UQCR11: variants seen among roughly 807,000 people sequenced by gnomAD.
UQCR11 encodes cytochrome b-c1 complex subunit 10.
A neutral mutation model predicts 7.6 loss-of-function variants in UQCR11; 10 were observed. The ratio of observed to expected loss-of-function variants is 1.31; its 90% CI spans 0.81 to 2.22. UQCR11 has a LOEUF of 2.22. UQCR11 is among the 30% of genes most tolerant of loss of function. The probability of loss-of-function intolerance (pLI) is 0.00; values close to 1 mark genes in which losing one functional copy is unlikely to be tolerated. For missense variants in UQCR11, 86 were observed against 75.1 expected (o/e 1.15, Z -0.54); for synonymous variants, 34 against 34.9 (o/e 0.97, Z 0.09).
chr19:1,599,951 C>T (rs566606685), intron 1 of UQCR11, among the ~76,000 whole-genome samples: 22 of 152,262 alleles, frequency 1.4e-4, no homozygotes, highest in African/African-American at 4.6e-4. Context: ...TGTTCCCAGG[C>T]GAGGACACCA....
chr19:1,600,997 C>T (rs763291652), intron 1 of UQCR11, among the ~76,000 whole-genome samples: 5 of 151,800 alleles, frequency 3.3e-5, no homozygotes, highest in Non-Finnish European at 7.4e-5. Flanking sequence ...GGTGAAACCC[C>T]ATCTCTACTA....
rs200457463 is a variant in UQCR11 at position 1,605,350 on chromosome 19, G to T, written c.50+10C>A. ...GGAGCGCGGATGGGGCCGCGGGTCG[G>T]CGTCCTCACCAGTTCTTGACCAGCT... On this transcript the variant is annotated intron_variant, in intron 1 of 2. Transcript: ENST00000591899. 1 of 1,571,876 alleles carries T rather than the reference G, an allele frequency of 6.4e-7. No homozygotes were observed. Among genetic ancestry groups the T allele is most frequent in the Non-Finnish European group, 8.6e-7 (1 of 1,163,456 alleles).
chr19:1,603,159 C>T (rs1235616611), intron 1 of UQCR11, among the ~76,000 whole-genome samples: 5 of 152,218 alleles, frequency 3.3e-5, no homozygotes, highest in African/African-American at 1.2e-4. Flanking sequence ...CTCGCACGCA[C>T]GTGTCTGCAC....
At chr19:1,604,903 G>A (rs997471281) in intron 1 of UQCR11, among the ~76,000 whole-genome samples, 3 of 152,262 alleles carry the variant, frequency 2.0e-5, no homozygotes, top group Non-Finnish European at 2.9e-5. Flanking sequence ...CGGCTTCTAT[G>A]GGGGCCACCC....
chr19:1,601,474 G>A (rs1033267116), intron 1 of UQCR11, among the ~76,000 whole-genome samples: 5 of 151,880 alleles, frequency 3.3e-5, no homozygotes, highest in African/African-American at 4.8e-5. Flanking sequence ...GGTGGCGGGC[G>A]CCTGTAGTCC....
chr19:1,601,801 T>C (rs1163681835), intron 1 of UQCR11, among the ~76,000 whole-genome samples: 1 of 152,058 alleles, frequency 6.6e-6, no homozygotes, highest in Admixed American at 6.5e-5. Context: ...GGAGACCATT[T>C]CTTATGCACA....
intron 1 of UQCR11, among the ~76,000 whole-genome samples, chr19:1,599,946 C>T (rs1282979888): frequency 6.6e-6 from 1 of 152,266 alleles, no homozygotes; most frequent in East Asian, 1.9e-4. Flanking sequence ...GTCCCTGTTC[C>T]CAGGCGAGGA....
chr19:1,603,953 T>C (rs1366240730), intron 1 of UQCR11, among the ~76,000 whole-genome samples: 1 of 152,274 alleles, frequency 6.6e-6, no homozygotes, highest in Non-Finnish European at 1.5e-5. Context: ...CTTTGCTTTT[T>C]TCTTTTTTAG....
At chr19:1,603,400 T>C (rs1397679227) in intron 1 of UQCR11, among the ~76,000 whole-genome samples, 1 of 152,040 alleles carries the variant, frequency 6.6e-6, no homozygotes, top group Non-Finnish European at 1.5e-5. Context: ...CAGAAGATCG[T>C]GACCATCCTG....
rs529244906 is a variant in UQCR11, at chr19:1,603,532, G to A, written c.50+1828C>T. On this transcript the variant is annotated intron_variant, in intron 1 of 2. Coordinates refer to ENST00000591899, the MANE Select transcript of UQCR11 (RefSeq NM_006830.4). ...TGAGGCAGGAGAATGGCGTGAACCC[G>A]GGAGGCGGAGCTTGCAGTGAGCCGA... Among the ~76,000 whole-genome samples the A allele has an allele frequency of 1.3e-4, 20 of 152,294 alleles. No homozygotes were observed. In the South Asian group the frequency reaches 2.7e-3, roughly 21 times the overall value.
chr19:1,605,297 C>A (rs2145623371), intron 1 of UQCR11, 63 bp downstream of exon 1: 2 of 1,500,848 alleles, frequency 1.3e-6, no homozygotes, highest in Non-Finnish European at 1.8e-6. Flanking sequence ...AAATACGGAA[C>A]GCAGCGGCGC....
chr19:1,599,330 G>C, intron 2 of UQCR11, 82 bp downstream of exon 2: 4 of 1,546,768 alleles, frequency 2.6e-6, no homozygotes, highest in African/African-American at 2.7e-5. Flanking sequence ...TGCCGCCCCG[G>C]CTCTGGGAGC....
rs1424804616 is a variant in UQCR11, at chr19:1,597,509, C to G, written c.*735G>C. 6.6e-6 allele frequency: 1 copy of G among 152,280 alleles called. No individual in the cohort carries two copies. The highest frequency in any genetic ancestry group is 1.5e-5 in the Non-Finnish European group (1 of 68,084). The allele number at this position is 152,280 out of a possible 1,614,324, so 9.4% of individuals were successfully genotyped here. On this transcript the variant is annotated 3_prime_UTR_variant, in exon 3 of 3. Coordinates refer to ENST00000591899, the MANE Select transcript of UQCR11 (RefSeq NM_006830.4). ...GATCACGTGAGACTTCTCAGGGTGG[C>G]TCATAGAAGCACTGTGGCTTGCTCC...
rs374606367 is a variant in UQCR11 at position 1,605,452 on chromosome 19, C to T, written c.-43G>A. On this transcript the variant is annotated 5_prime_UTR_variant, in exon 1 of 3. Coordinates refer to ENST00000591899, the MANE Select transcript of UQCR11 (RefSeq NM_006830.4). ...CTCAGGATGACCCTGTCCAGCTGACCCGGCTACACTGCGCAGGCGCGGCCG... is the reference window on the plus strand; with the variant it reads ...CTCAGGATGACCCTGTCCAGCTGACTCGGCTACACTGCGCAGGCGCGGCCG... 4 of 1,476,886 alleles carry T rather than the reference C, an allele frequency of 2.7e-6. No individual in the cohort carries two copies. Among genetic ancestry groups the T allele is most frequent in the Non-Finnish European group, 3.6e-6 (4 of 1,118,454 alleles). 91.5% of individuals were successfully genotyped at this position (1,476,886 alleles called of 1,614,324 possible). A position where few individuals can be genotyped will look rare whatever the true frequency, so the allele number is the denominator to read the frequency against.
Position 1,597,625 on chromosome 19 carries a change from G to T in UQCR11, c.*619C>A, listed in dbSNP as rs1599355319. 1 of 152,222 alleles carries T rather than the reference G, an allele frequency of 6.6e-6. No homozygotes were observed. Among genetic ancestry groups the T allele is most frequent in the East Asian group, 1.9e-4 (1 of 5,170 alleles). 9.4% of individuals were successfully genotyped at this position (152,222 alleles called of 1,614,324 possible). On this transcript the variant is annotated 3_prime_UTR_variant, in exon 3 of 3. Coordinates refer to ENST00000591899, the MANE Select transcript of UQCR11 (RefSeq NM_006830.4). ...CTTCGTGTAGGGGCCCCCATGGGAA[G>T]GAACTGTGGCTGTCACCGACAGCCA...
chr19:1,605,443 C>A lies in UQCR11; in HGVS notation c.-34G>T, dbSNP rs372586344. The A allele has an allele frequency of 6.7e-7, 1 of 1,481,966 alleles. No individual in the cohort carries two copies. Among genetic ancestry groups the A allele is most frequent in the Admixed American group, 2.3e-5 (1 of 43,402 alleles). The allele number at this position is 1,481,966 out of a possible 1,614,324, so 91.8% of individuals were successfully genotyped here. On this transcript the variant is annotated 5_prime_UTR_variant, in exon 1 of 3. Coordinates refer to ENST00000591899, the MANE Select transcript of UQCR11 (RefSeq NM_006830.4). ...AGTCGCACCCTCAGGATGACCCTGT[C>A]CAGCTGACCCGGCTACACTGCGCAG...
chr19:1,604,782 G>T (rs2060756945), intron 1 of UQCR11, among the ~76,000 whole-genome samples: 1 of 152,174 alleles, frequency 6.6e-6, no homozygotes, highest in South Asian at 2.1e-4. Flanking sequence ...ACCTGCCTCG[G>T]CCTCACAAAG....
At position 1,597,387 on chromosome 19, in the gene UQCR11, T is replaced by G. The variant is rs1409924118; in HGVS notation, c.*857A>C. The G allele has an allele frequency of 2.0e-5, 3 of 152,164 alleles. No homozygotes were observed. The highest frequency in any genetic ancestry group is 2.0e-4 in the Admixed American group (3 of 15,250). The allele number at this position is 152,164 out of a possible 1,614,324, so 9.4% of individuals were successfully genotyped here. A position where few individuals can be genotyped will look rare whatever the true frequency, so the allele number is the denominator to read the frequency against. On this transcript the variant is annotated 3_prime_UTR_variant, in exon 3 of 3. Coordinates refer to ENST00000591899, the MANE Select transcript of UQCR11 (RefSeq NM_006830.4). ...AGTTTGAAATGTCTACCAATTCTGA[T>G]ATTCTTCCCTTCAAAACACAGAACC...
chr19:1,599,170 T>C (rs557684936), intron 2 of UQCR11: 8 of 423,922 alleles, frequency 1.9e-5, no homozygotes, highest in Non-Finnish European at 3.0e-5. Context: ...CTCACTGGGA[T>C]TGTCCAGAGG....
Sources: gnomAD v4.1 joint callset for allele counts (sites outside exome capture counted in the v4.1 genomes callset) on GRCh38, gnomAD v4.1.1 for gene constraint, MANE v1.5 for transcripts, NCBI Gene and HGNC (gene_info 2026-07-23, HGNC 2026-07-21) for gene names.